Variants in PPP6R2 observed in about 807,000 individuals in gnomAD.
The protein encoded by PPP6R2 is protein phosphatase 6 regulatory subunit 2, also known as serine/threonine-protein phosphatase 6 regulatory subunit 2.
Under a neutral mutation model 100.2 loss-of-function variants are expected in PPP6R2, and 62 were observed. The ratio of observed to expected loss-of-function variants is 0.62; its 90% confidence interval spans 0.50 to 0.76. The LOEUF (loss-of-function observed/expected upper bound fraction) is 0.76. Among genes scored for constraint, PPP6R2 ranks in the 30% least tolerant of loss-of-function variants. The probability of loss-of-function intolerance (pLI) is 0.00; values close to 1 mark genes in which losing one functional copy is unlikely to be tolerated. For synonymous variants in PPP6R2, 525 were observed against 514.7 expected, an observed-to-expected ratio of 1.02 and a Z score of -0.27; for missense variants, 1,142 against 1,276.3, an observed-to-expected ratio of 0.89 and a Z score of 1.60.
chr22:50,360,872 T>C (rs1274538137), intron 1 of PPP6R2, among the ~76,000 whole-genome samples: 3 of 152,212 alleles, frequency 2.0e-5, no homozygotes, highest in Non-Finnish European at 4.4e-5. Context: ...CTGCTAGACG[T>C]CAGGTTCCTT....
At chr22:50,339,657 G>A (rs2042347124), upstream of PPP6R2, among the ~76,000 whole-genome samples, 1 of 134,978 alleles carries the variant, frequency 7.4e-6, no homozygotes, top group African/African-American at 2.8e-5. Context: ...AGGGTGTGTG[G>A]TGTATGTTTC....
chr22:50,443,943 C>T lies in PPP6R2; in HGVS notation c.2657C>T (p.Ala886Val), dbSNP rs1330638186. 12 of 1,609,664 alleles carry T rather than the reference C, an allele frequency of 7.5e-6. No homozygotes were observed. Among genetic ancestry groups the T allele is most frequent in the Non-Finnish European group, 8.5e-6 (10 of 1,178,538 alleles). Residue 886 changes from alanine to valine, a missense_variant, in exon 23 of 24, where the codon GCT becomes GTT. Ala to Val is a moderately conservative substitution (Grantham distance 64). Around this residue, in one of 2 missense-constraint regions of PPP6R2, gnomAD observed 550 missense variants for 517.4 expected, o/e 1.06. Transcript: ENST00000612753. ...GAAGTGACTGCTGCCCCAGCCGTGGCTGTGCCCCCCGAGGCTACTGTGGCC... is the reference window on the plus strand; with the variant it reads ...GAAGTGACTGCTGCCCCAGCCGTGGTTGTGCCCCCCGAGGCTACTGTGGCC... ...PKEVTAAPAV[A>V]VPPEATVAIT...
the PPP6R2 span, among the ~76,000 whole-genome samples, chr22:50,338,088 GTGTGTGT>G: frequency 7.0e-6 from 1 of 142,092 alleles, no homozygotes; most frequent in Non-Finnish European, 1.5e-5. Context: ...GTGATGTGTA[GTGTGTGT>G]GGTGTGTGGT....
At chr22:50,333,053 C>G in the PPP6R2 span, among the ~76,000 whole-genome samples, 1 of 152,120 alleles carries the variant, frequency 6.6e-6, no homozygotes, top group Non-Finnish European at 1.5e-5. Context: ...GCAGGAGGAT[C>G]ACCTAAGCCC....
Position 50,402,328 on chromosome 22 carries a change from C to CTTTTT in PPP6R2, c.228-4347_228-4343dup, listed in dbSNP as rs566570369. ...AAGAGGGCTGGGGGCACCCCAGTTTCTTTTTTTTTTTTTTTTTTACCAAGT... is the reference window on the plus strand; with the variant it reads ...AAGAGGGCTGGGGGCACCCCAGTTTCTTTTTTTTTTTTTTTTTTTTTTTACCAAGT... On this transcript the variant is annotated intron_variant, in intron 3 of 23. Transcript: ENST00000612753. Among the ~76,000 whole-genome samples, 13 of 134,982 alleles carry CTTTTT rather than the reference C, an allele frequency of 9.6e-5. 1 individual carries two copies. Among genetic ancestry groups the CTTTTT allele is most frequent in the African/African-American group, 3.3e-4 (12 of 36,500 alleles). The allele number at this position is 134,982 out of a possible 152,430, so 88.6% of individuals were successfully genotyped here.
intron 2 of PPP6R2, among the ~76,000 whole-genome samples, chr22:50,382,402 G>A (rs1024999682): frequency 2.6e-5 from 4 of 151,598 alleles, no homozygotes; most frequent in Non-Finnish European, 5.9e-5. Flanking sequence ...TTCGAGACCA[G>A]CCTGACTAAC....
intron 5 of PPP6R2, 31 bp downstream of exon 5, chr22:50,414,720 G>C (rs771620800): frequency 6.2e-7 from 1 of 1,600,482 alleles, no homozygotes; most frequent in Non-Finnish European, 8.5e-7. Context: ...CCGTTCCCGA[G>C]GGCAGGGGTG....
rs1396877829 is a variant in PPP6R2, at chr22:50,442,263, TG to T, written c.2579+1241del. Among the ~76,000 whole-genome samples the T allele has an allele frequency of 2.0e-5, 3 of 152,334 alleles. No individual in the cohort carries two copies. The East Asian group carries it at 5.8e-4, about 29-fold the overall frequency. ...CAATCCTGGAGAGTCTGTGTGGTACTGGGGCTCCGGGCATCTCCCCCAGCCA... is the reference window on the plus strand; with the variant it reads ...CAATCCTGGAGAGTCTGTGTGGTACTGGGCTCCGGGCATCTCCCCCAGCCA... On this transcript the variant is annotated intron_variant, in intron 22 of 23. Coordinates refer to ENST00000612753, the MANE Select transcript of PPP6R2 (RefSeq NM_001242898.2).
chr22:50,418,891 C>G lies in PPP6R2; in HGVS notation c.643C>G (p.Leu215Val), dbSNP rs2060917309. 2 of 1,613,614 alleles carry G rather than the reference C, an allele frequency of 1.2e-6. No homozygotes were observed. Among genetic ancestry groups the G allele is most frequent in the African/African-American group, 1.3e-5 (1 of 74,914 alleles). ...EDRQSNASQTLCDIVRLGRDQ... is the reference protein window; with the variant it reads ...EDRQSNASQTVCDIVRLGRDQ... ...GAGGCAGTCAAATGCTTCTCAGACTCTCTGTGACATAGTTAGGCTGGGCAG... is the reference window on the plus strand; with the variant it reads ...GAGGCAGTCAAATGCTTCTCAGACTGTCTGTGACATAGTTAGGCTGGGCAG... The change falls in exon 7 of 24, where the codon CTC (leucine) becomes GTC (valine). Residue 215 changes from leucine (L) to valine (V), a missense_variant. By Grantham distance (32) the Leu-to-Val change is conservative. Coordinates refer to ENST00000612753, the MANE Select transcript of PPP6R2 (RefSeq NM_001242898.2).
At chr22:50,375,431 A>G (rs1307087885) in intron 2 of PPP6R2, among the ~76,000 whole-genome samples, 1 of 152,128 alleles carries the variant, frequency 6.6e-6, no homozygotes, top group Admixed American at 6.6e-5. Flanking sequence ...TTGAGTTTAG[A>G]GGATTTGTGA....
At chr22:50,420,424 T>C (rs544197468) in intron 8 of PPP6R2, among the ~76,000 whole-genome samples, 51 of 152,308 alleles carry the variant, frequency 3.3e-4, no homozygotes, top group Non-Finnish European at 5.7e-4. Flanking sequence ...CGACAGTGAA[T>C]GGGCAGAGAC....
chr22:50,360,976 G>A (rs914916940), intron 1 of PPP6R2, among the ~76,000 whole-genome samples: 1 of 152,210 alleles, frequency 6.6e-6, no homozygotes, highest in East Asian at 1.9e-4. Context: ...ACTGTGGACA[G>A]TCAGACCTTT....
intron 17 of PPP6R2, 107 bp downstream of exon 17, chr22:50,438,007 C>T (rs886715636): frequency 6.6e-7 from 1 of 1,515,210 alleles, no homozygotes; most frequent in African/African-American, 1.4e-5. Flanking sequence ...CTGGGAGAGG[C>T]CCCTCTGTGG....
chr22:50,387,858 C>G (rs971003221), intron 2 of PPP6R2, among the ~76,000 whole-genome samples: 13 of 152,120 alleles, frequency 8.5e-5, no homozygotes, highest in African/African-American at 3.1e-4. Context: ...GGGAACTGTT[C>G]TAGAGCCTTT....
rs1019990666 is a variant in PPP6R2, at chr22:50,441,250, G to A, written c.2579+224G>A. Among the ~76,000 whole-genome samples, 20 of 152,328 alleles carry A rather than the reference G, an allele frequency of 1.3e-4. No individual in the cohort carries two copies. In the East Asian group the frequency reaches 2.1e-3, roughly 16 times the overall value. Reference sequence around the variant, plus strand: ...TGGGAGAAGTGTGGGGCCTTCTTTCGTGGACAGAACATCGTGTTCTCTGTT... The same window carrying A: ...TGGGAGAAGTGTGGGGCCTTCTTTCATGGACAGAACATCGTGTTCTCTGTT... On this transcript the variant is annotated intron_variant, in intron 22 of 23. Transcript: ENST00000612753.
chr22:50,336,602 C>T, the PPP6R2 span, among the ~76,000 whole-genome samples: 1 of 151,620 alleles, frequency 6.6e-6, no homozygotes, highest in Non-Finnish European at 1.5e-5. Context: ...CCGTATTGTC[C>T]TGGCTGGTCT....
At chr22:50,336,371 A>ATTATT in the PPP6R2 span, among the ~76,000 whole-genome samples, 6 of 151,996 alleles carry the variant, frequency 3.9e-5, no homozygotes, top group South Asian at 2.1e-4. Flanking sequence ...CAGCAGGGTC[A>ATTATT]TTATTTTATT....
Position 50,427,004 on chromosome 22 carries a change from T to C in PPP6R2, c.1125+3390T>C, listed in dbSNP as rs567156960. Reference sequence around the variant, plus strand: ...GAGATTGAGACCATCCTGGCCAACATAGTGAAACCCCGTCTCTGCTAAAAA... The same window carrying C: ...GAGATTGAGACCATCCTGGCCAACACAGTGAAACCCCGTCTCTGCTAAAAA... On this transcript the variant is annotated intron_variant, in intron 10 of 23. Transcript: ENST00000612753. Among the ~76,000 whole-genome samples the C allele has an allele frequency of 4.6e-5, 7 of 151,528 alleles. No homozygotes were observed. The East Asian group carries it at 5.9e-4, about 13-fold the overall frequency.
At chr22:50,370,750 C>G (rs1024874449) in intron 1 of PPP6R2, among the ~76,000 whole-genome samples, 1 of 152,064 alleles carries the variant, frequency 6.6e-6, no homozygotes, top group African/African-American at 2.4e-5. Context: ...TCTCCTGCCT[C>G]AGCCTCCCGA....
Sources: gnomAD v4.1 joint callset for allele counts (sites outside exome capture counted in the v4.1 genomes callset) on GRCh38, gnomAD v4.1.1 for gene constraint, gnomAD v4.1.1 regional missense constraint, MANE v1.5 for transcripts, NCBI Gene and HGNC (gene_info 2026-07-23, HGNC 2026-07-21) for gene names.